Variants in MAGI2 observed in about 807,000 individuals in gnomAD.
MAGI2 encodes membrane associated guanylate kinase, WW and PDZ domain containing 2.
Under a neutral mutation model 133.3 loss-of-function variants are expected in MAGI2, and 35 were observed. That is an observed-to-expected ratio of 0.26 (90% confidence interval 0.20 to 0.35). The LOEUF is 0.35. Among genes scored for constraint, MAGI2 ranks in the 10% least tolerant of loss-of-function variants. The pLI, the probability that MAGI2 is intolerant of heterozygous loss-of-function variation, is 1.00. For missense variants in MAGI2, 1,636 were observed against 1,863.4 expected (o/e 0.88, Z 2.25); for synonymous variants, 729 against 710.6 (o/e 1.03, Z -0.41).
At chr7:78,615,272 A>C (rs975075517) in intron 3 of MAGI2, 1 of 152,050 alleles carries the variant, frequency 6.6e-6, no homozygotes, top group Admixed American at 6.6e-5. Flanking sequence ...ACCTGTATAC[A>C]CTCTTTGAAA....
In MAGI2 at chr7:79,017,852, C is replaced by G. The variant is rs78058536; in HGVS notation, c.302-10646G>C. On this transcript the variant is annotated intron_variant, in intron 1 of 21. Transcript: ENST00000354212. Reference sequence around the variant, plus strand: ...AAAAGTCACAGCTTGAAGACTGGCTCTCCAAAATAACTCAGTCAAAGAAAA... The same window carrying G: ...AAAAGTCACAGCTTGAAGACTGGCTGTCCAAAATAACTCAGTCAAAGAAAA... 1.4e-4 allele frequency among the ~76,000 whole-genome samples: 21 copies of G among 152,164 alleles called. No homozygotes were observed. In the East Asian group the frequency reaches 4.1e-3, roughly 30 times the overall value.
At chr7:78,846,419 G>A (rs1792615302) in intron 2 of MAGI2, among the ~76,000 whole-genome samples, 1 of 151,890 alleles carries the variant, frequency 6.6e-6, no homozygotes, top group South Asian at 2.1e-4. Flanking sequence ...AATATAGAAT[G>A]CAAACAGTGT....
intron 2 of MAGI2, among the ~76,000 whole-genome samples, chr7:78,958,393 A>G (rs1008891662): frequency 2.0e-5 from 3 of 152,112 alleles, no homozygotes; most frequent in Admixed American, 6.5e-5. Context: ...GACTCCCCAG[A>G]TGTGTGTGAC....
intron 2 of MAGI2, among the ~76,000 whole-genome samples, chr7:78,971,574 A>G (rs536511546): frequency 6.6e-6 from 1 of 152,118 alleles, no homozygotes; most frequent in Non-Finnish European, 1.5e-5. Context: ...TTCCTATGCA[A>G]TATTAGGTCT....
chr7:78,916,471 G>C (rs188166661), intron 2 of MAGI2, among the ~76,000 whole-genome samples: 29 of 151,938 alleles, frequency 1.9e-4, no homozygotes, highest in African/African-American at 6.3e-4. Context: ...TACTGCATGG[G>C]ATATAAAAAT....
chr7:78,884,232 T>C (rs1212031966), intron 2 of MAGI2, among the ~76,000 whole-genome samples: 1 of 152,120 alleles, frequency 6.6e-6, no homozygotes, highest in Non-Finnish European at 1.5e-5. Context: ...AATCCCATCA[T>C]TTTGGGAGGC....
At chr7:78,893,183 C>G (rs1164541103) in intron 2 of MAGI2, among the ~76,000 whole-genome samples, 1 of 151,890 alleles carries the variant, frequency 6.6e-6, no homozygotes, top group South Asian at 2.1e-4. Flanking sequence ...CAAGGAGATA[C>G]CATCTCACAC....
chr7:79,398,956 T>C (rs1042182570), intron 1 of MAGI2, among the ~76,000 whole-genome samples: 4 of 152,226 alleles, frequency 2.6e-5, no homozygotes, highest in East Asian at 1.9e-4. Flanking sequence ...GAACCCTAAA[T>C]TGGCCAAGCT....
chr7:79,098,736 A>G (rs1323255125), intron 1 of MAGI2, among the ~76,000 whole-genome samples: 1 of 152,186 alleles, frequency 6.6e-6, no homozygotes, highest in East Asian at 1.9e-4. Context: ...CATACACCAT[A>G]ATTAAGATTT....
intron 12 of MAGI2, among the ~76,000 whole-genome samples, chr7:78,191,153 T>C (rs3807654): frequency 0.68 from 102,599 of 151,960 alleles, 34,670 homozygotes; most frequent in East Asian, 0.83. Context: ...TTTTTAGGGA[T>C]TTTTTGGGCA....
chr7:78,834,579 A>G lies in MAGI2; in HGVS notation c.418+172511T>C, dbSNP rs535337311. 5.0e-4 allele frequency among the ~76,000 whole-genome samples: 76 copies of G among 152,300 alleles called. No individual in the cohort carries two copies. In the South Asian group the frequency reaches 0.012, roughly 23 times the overall value. On this transcript the variant is annotated intron_variant, in intron 2 of 21. Coordinates refer to ENST00000354212, the MANE Select transcript of MAGI2 (RefSeq NM_012301.4). The stretch of plus-strand genomic sequence containing the variant: ...ATAAATATACCATATTGTATTTATT[A>G]TCAGTTGATGCATTTAGGTTGCTTC...
intron 1 of MAGI2, among the ~76,000 whole-genome samples, chr7:79,029,179 C>G (rs1449373392): frequency 6.6e-6 from 1 of 152,010 alleles, no homozygotes; most frequent in Non-Finnish European, 1.5e-5. Flanking sequence ...ACCATGATTG[C>G]TAGCTTTTAG....
intron 1 of MAGI2, among the ~76,000 whole-genome samples, chr7:79,089,955 T>C (rs1816904045): frequency 6.6e-6 from 1 of 151,986 alleles, no homozygotes; most frequent in African/African-American, 2.4e-5. Context: ...AAGGTATACC[T>C]ATACATGTGC....
At chr7:79,382,291 T>C (rs1843849064) in intron 1 of MAGI2, among the ~76,000 whole-genome samples, 2 of 151,762 alleles carry the variant, frequency 1.3e-5, no homozygotes, top group African/African-American at 4.8e-5. Context: ...AAGTTCACTA[T>C]TGAGAAGAAT....
chr7:78,987,705 T>C (rs961890819), intron 2 of MAGI2, among the ~76,000 whole-genome samples: 6 of 152,054 alleles, frequency 3.9e-5, no homozygotes, highest in African/African-American at 1.4e-4. Context: ...ATAAGAATTT[T>C]ATTAAAAACA....
At chr7:78,407,675 C>T (rs1402379810) in intron 6 of MAGI2, among the ~76,000 whole-genome samples, 2 of 150,636 alleles carry the variant, frequency 1.3e-5, no homozygotes, top group Non-Finnish European at 3.0e-5. Context: ...TTTTTAAATT[C>T]CAACGTATTT....
intron 10 of MAGI2, among the ~76,000 whole-genome samples, chr7:78,204,769 T>C (rs1234678716): frequency 6.6e-6 from 1 of 152,230 alleles, no homozygotes; most frequent in Non-Finnish European, 1.5e-5. Flanking sequence ...GAGCTCAAGA[T>C]ATAGTTGTAA....
rs528254149 is a variant in MAGI2, at chr7:78,126,741, G to T, written c.3423+456C>A. On this transcript the variant is annotated intron_variant, in intron 19 of 21. Transcript: ENST00000354212. ...AAGCCAAGCCTGGTCTTATTCTTAC[G>T]CACAGGGGCTTGGCCCTTTATCACA... Among the ~76,000 whole-genome samples the T allele has an allele frequency of 7.2e-5, 11 of 152,220 alleles. No homozygotes were observed. The South Asian group carries it at 8.3e-4, about 11-fold the overall frequency.
intron 1 of MAGI2, among the ~76,000 whole-genome samples, chr7:79,060,842 C>T (rs1408000452): frequency 1.3e-5 from 2 of 151,946 alleles, no homozygotes; most frequent in African/African-American, 2.4e-5. Context: ...CATGAAATAA[C>T]GAAGTCTCTT....
Sources: allele counts gnomAD v4.1 joint callset (sites outside exome capture counted in the v4.1 genomes callset), GRCh38; gene constraint gnomAD v4.1.1; transcripts MANE v1.5; gene names NCBI Gene and HGNC (gene_info 2026-07-23, HGNC 2026-07-21).